Variants in CSGALNACT1 observed in about 807,000 individuals in gnomAD.
The protein encoded by CSGALNACT1 is chondroitin sulfate N-acetylgalactosaminyltransferase 1, also known as beta4GalNAcT-1.
CSGALNACT1 carries 52 observed loss-of-function variants against 51.0 expected under a neutral mutation model. The observed-to-expected ratio is 1.02, with a 90% CI of 0.82 to 1.29. CSGALNACT1 has a LOEUF of 1.29. CSGALNACT1 is among the 50% of genes most tolerant of loss of function. The probability of loss-of-function intolerance (pLI) is 0.00; values close to 1 mark genes in which losing one functional copy is unlikely to be tolerated. For missense variants in CSGALNACT1, 935 were observed against 679.2 expected, an observed-to-expected ratio of 1.38 and a Z score of -4.19; for synonymous variants, 341 against 254.4, an observed-to-expected ratio of 1.34 and a Z score of -3.24.
chr8:19,591,649 G>A (rs1410215019), intron 2 of CSGALNACT1, among the ~76,000 whole-genome samples: 1 of 152,160 alleles, frequency 6.6e-6, no homozygotes, highest in Non-Finnish European at 1.5e-5. Context: ...TTTAGGCTGT[G>A]TGGAGTGGCT....
At chr8:19,459,586 C>T (rs1024380944) in intron 4 of CSGALNACT1, among the ~76,000 whole-genome samples, 2 of 151,982 alleles carry the variant, frequency 1.3e-5, no homozygotes, top group African/African-American at 4.8e-5. Flanking sequence ...AGTTTCATAT[C>T]TTCCTTCCCA....
chr8:19,610,172 C>T (rs2052016836), intron 1 of CSGALNACT1, among the ~76,000 whole-genome samples: 1 of 151,262 alleles, frequency 6.6e-6, no homozygotes, highest in Admixed American at 6.6e-5. Flanking sequence ...TACCTGTAAC[C>T]CCAGCTACTC....
chr8:19,414,408 T>A (rs2056475499), intron 8 of CSGALNACT1, among the ~76,000 whole-genome samples: 1 of 152,222 alleles, frequency 6.6e-6, no homozygotes, highest in Non-Finnish European at 1.5e-5. Flanking sequence ...AAAGTTAATG[T>A]TTGTTTAAAT....
intron 6 of CSGALNACT1, among the ~76,000 whole-genome samples, chr8:19,432,347 G>A (rs935727240): frequency 6.6e-6 from 1 of 152,110 alleles, no homozygotes; most frequent in African/African-American, 2.4e-5. Flanking sequence ...CCATTGTACT[G>A]GATGAGTTGC....
At chr8:19,476,819 G>C (rs1451187414) in intron 4 of CSGALNACT1, among the ~76,000 whole-genome samples, 1 of 152,186 alleles carries the variant, frequency 6.6e-6, no homozygotes, top group African/African-American at 2.4e-5. Context: ...TGTCACAGCA[G>C]TCCAGATGCC....
intron 3 of CSGALNACT1, among the ~76,000 whole-genome samples, chr8:19,583,360 T>TG (rs1171501556): frequency 6.6e-6 from 1 of 152,212 alleles, no homozygotes; most frequent in East Asian, 1.9e-4. Context: ...CAGAAGTTCC[T>TG]TTGGATTTCT....
At chr8:19,660,687 G>C (rs1192486857) in intron 1 of CSGALNACT1, among the ~76,000 whole-genome samples, 2 of 152,068 alleles carry the variant, frequency 1.3e-5, no homozygotes, top group Non-Finnish European at 2.9e-5. Flanking sequence ...AGCTCCAGTT[G>C]TTACAGGCAC....
At chr8:19,438,111 T>C (rs763783590) in intron 6 of CSGALNACT1, among the ~76,000 whole-genome samples, 2 of 146,968 alleles carry the variant, frequency 1.4e-5, no homozygotes, top group African/African-American at 4.9e-5. Context: ...AAATCTGCCA[T>C]ACCCATAGGA....
intron 4 of CSGALNACT1, among the ~76,000 whole-genome samples, chr8:19,500,185 C>T (rs1028865524): frequency 6.6e-6 from 1 of 152,150 alleles, no homozygotes; most frequent in African/African-American, 2.4e-5. Flanking sequence ...TTCCAGAACA[C>T]AGTGGGGTGA....
At chr8:19,682,537 C>T (rs1036120941) in exon 1 of CSGALNACT1, 6 of 425,970 alleles carry the variant, frequency 1.4e-5, no homozygotes, top group East Asian at 7.1e-5. Flanking sequence ...TGGTCTTTCC[C>T]GGTCTTTGCT....
At chr8:19,682,530 T>C (rs2060697032) in exon 1 of CSGALNACT1, 1 of 416,412 alleles carries the variant, frequency 2.4e-6, no homozygotes, top group Non-Finnish European at 4.9e-6. Flanking sequence ...GGACGTATGG[T>C]CTTTCCCGGT....
At chr8:19,601,730 C>A in intron 2 of CSGALNACT1, 41 bp downstream of exon 2, 1 of 436,574 alleles carries the variant, frequency 2.3e-6, no homozygotes, top group Non-Finnish European at 4.6e-6. Flanking sequence ...ACAAAGCAGA[C>A]CATGCAAAGG....
intron 3 of CSGALNACT1, among the ~76,000 whole-genome samples, chr8:19,515,971 G>A (rs1000971238): frequency 2.0e-5 from 3 of 152,156 alleles, no homozygotes; most frequent in African/African-American, 7.2e-5. Flanking sequence ...TCTTCCAGCT[G>A]TAAGACATCT....
In CSGALNACT1 at chr8:19,590,823, G is replaced by A. The variant is rs140769967; in HGVS notation, c.-297+337C>T. 1.5e-3 allele frequency among the ~76,000 whole-genome samples: 228 copies of A among 151,630 alleles called. 2 individuals carry two copies. Among genetic ancestry groups the A allele is most frequent in the African/African-American group, 5.0e-3 (205 of 41,364 alleles). On this transcript the variant is annotated intron_variant, in intron 3 of 9. Coordinates refer to ENST00000454498, the Ensembl canonical transcript of CSGALNACT1. Reference sequence around the variant, plus strand: ...CACCACCACACCTGGCTAATTTTTTGTATTTTTAGTAGAGACGGGGTTTCA... The same window carrying A: ...CACCACCACACCTGGCTAATTTTTTATATTTTTAGTAGAGACGGGGTTTCA...
At chr8:19,635,126 T>A (rs1476930425) in intron 1 of CSGALNACT1, among the ~76,000 whole-genome samples, 1 of 152,226 alleles carries the variant, frequency 6.6e-6, no homozygotes, top group Non-Finnish European at 1.5e-5. Context: ...GTTTACCTCC[T>A]CCTTCACTGC....
intron 1 of CSGALNACT1, among the ~76,000 whole-genome samples, chr8:19,690,422 A>G (rs2154214853): frequency 6.6e-6 from 1 of 152,264 alleles, no homozygotes. Context: ...TGTTTCTGCT[A>G]AGAAAAAAAA....
At chr8:19,623,765 G>A (rs1028159394) in intron 1 of CSGALNACT1, among the ~76,000 whole-genome samples, 13 of 152,238 alleles carry the variant, frequency 8.5e-5, no homozygotes, top group Non-Finnish European at 1.9e-4. Context: ...AGGACCTATT[G>A]ATAATAAATC....
intron 1 of CSGALNACT1, among the ~76,000 whole-genome samples, chr8:19,671,388 G>A (rs1171307269): frequency 6.6e-6 from 1 of 152,182 alleles, no homozygotes; most frequent in Non-Finnish European, 1.5e-5. Context: ...TTGTTTTCAA[G>A]CTCCAATTAC....
At chr8:19,596,598 A>T (rs868553979) in intron 2 of CSGALNACT1, among the ~76,000 whole-genome samples, 12 of 152,270 alleles carry the variant, frequency 7.9e-5, no homozygotes, top group Middle Eastern at 3.4e-3. Flanking sequence ...TGTAAGAAAA[A>T]AAAAAAAGAC....
Sources: allele counts gnomAD v4.1 joint callset (sites outside exome capture counted in the v4.1 genomes callset), GRCh38; gene constraint gnomAD v4.1.1; transcripts MANE v1.5; gene names NCBI Gene and HGNC (gene_info 2026-07-23, HGNC 2026-07-21).